The following PTPRG variants were observed in gnomAD, a reference collection of about 807,000 sequenced individuals.
The protein encoded by PTPRG is protein tyrosine phosphatase receptor type G.
Under a neutral mutation model 165.3 loss-of-function variants are expected in PTPRG, and 102 were observed. The ratio of observed to expected loss-of-function variants is 0.62; its 90% CI spans 0.53 to 0.73. The LOEUF (loss-of-function observed/expected upper bound fraction) is 0.73, where lower values mean the gene tolerates loss of function less well. Ranked by LOEUF, PTPRG falls within the 30% of genes least tolerant of loss-of-function variation. The probability of loss-of-function intolerance (pLI) is 0.00; values close to 1 mark genes in which losing one functional copy is unlikely to be tolerated. For synonymous variants in PTPRG, 675 were observed against 669.5 expected, an observed-to-expected ratio of 1.01 and a Z score of -0.13; for missense variants, 1,866 against 1,861.4, an observed-to-expected ratio of 1.00 and a Z score of -0.05.
intron 23 of PTPRG, among the ~76,000 whole-genome samples, chr3:62,274,917 A>G (rs1448126337): frequency 6.6e-6 from 1 of 152,050 alleles, no homozygotes; most frequent in African/African-American, 2.4e-5. Flanking sequence ...ATTTTTTTTT[A>G]TACATACTTT....
Position 62,282,869 on chromosome 3 carries a change from AGTAT to A in PTPRG, c.4055+5_4055+8del. 2 of 1,594,520 alleles carry A rather than the reference AGTAT, an allele frequency of 1.3e-6. No homozygotes were observed. The highest frequency in any genetic ancestry group is 1.7e-6 in the Non-Finnish European group (2 of 1,171,718). On this transcript the variant is annotated splice_donor_variant and splice_donor_region_variant and intron_variant, in intron 28 of 29. Transcript: ENST00000474889. LOFTEE classifies it high-confidence loss of function. ...GATGGTCCCACCATTGTTCATGATGAGTATGTATCTGTTTCTTAATTTTAAAATG... is the reference window on the plus strand; with the variant it reads ...GATGGTCCCACCATTGTTCATGATGAGTATCTGTTTCTTAATTTTAAAATG...
At chr3:61,677,643 C>T (rs1703278125) in intron 1 of PTPRG, among the ~76,000 whole-genome samples, 1 of 152,196 alleles carries the variant, frequency 6.6e-6, no homozygotes, top group Admixed American at 6.5e-5. Flanking sequence ...AGTTCCTTTT[C>T]TCTCTGTGCT....
chr3:61,888,225 G>A (rs912130705), intron 2 of PTPRG, among the ~76,000 whole-genome samples: 8 of 151,848 alleles, frequency 5.3e-5, no homozygotes, highest in Non-Finnish European at 8.8e-5. Flanking sequence ...GTGTGTGTCT[G>A]TCTGTCCGTC....
At chr3:62,196,881 G>A (rs1699976858) in intron 10 of PTPRG, among the ~76,000 whole-genome samples, 1 of 152,050 alleles carries the variant, frequency 6.6e-6, no homozygotes, top group African/African-American at 2.4e-5. Flanking sequence ...AGGCATGTGA[G>A]TTGTGGACCA....
At chr3:61,568,894 C>G (rs1451679231) in intron 1 of PTPRG, among the ~76,000 whole-genome samples, 1 of 139,114 alleles carries the variant, frequency 7.2e-6, no homozygotes, top group Non-Finnish European at 1.5e-5. Flanking sequence ...TGCGACAGAG[C>G]AAGACTCCGT....
intron 2 of PTPRG, among the ~76,000 whole-genome samples, chr3:61,985,281 C>T (rs1228441190): frequency 6.6e-6 from 1 of 152,184 alleles, no homozygotes; most frequent in Non-Finnish European, 1.5e-5. Context: ...CATAAGTTCC[C>T]TCCTGGGGAG....
intron 8 of PTPRG, among the ~76,000 whole-genome samples, chr3:62,173,311 C>T (rs1279611824): frequency 6.6e-6 from 1 of 151,924 alleles, no homozygotes; most frequent in Non-Finnish European, 1.5e-5. Context: ...ATGCAGAACC[C>T]ATGGATATAA....
At chr3:61,845,334 G>A (rs2036776385) in intron 2 of PTPRG, among the ~76,000 whole-genome samples, 1 of 152,202 alleles carries the variant, frequency 6.6e-6, no homozygotes, top group Non-Finnish European at 1.5e-5. Flanking sequence ...TTAGGTTATA[G>A]ATGAGGACAA....
chr3:62,079,025 G>T (rs1251429364), intron 5 of PTPRG, among the ~76,000 whole-genome samples: 2 of 152,138 alleles, frequency 1.3e-5, no homozygotes, highest in East Asian at 1.9e-4. Flanking sequence ...CTACATAAAG[G>T]TGTTCATTTC....
chr3:61,837,213 A>G (rs979643331), intron 2 of PTPRG, among the ~76,000 whole-genome samples: 65 of 152,166 alleles, frequency 4.3e-4, no homozygotes, highest in African/African-American at 1.5e-3. Flanking sequence ...GGACCTGGTT[A>G]ATTTTTGTAT....
At chr3:61,642,866 A>T (rs1352114029) in intron 1 of PTPRG, among the ~76,000 whole-genome samples, 1 of 152,200 alleles carries the variant, frequency 6.6e-6, no homozygotes, top group African/African-American at 2.4e-5. Flanking sequence ...GGCATGAGAC[A>T]TCGACACTTG....
At chr3:61,936,540 C>A (rs2039489833) in intron 2 of PTPRG, among the ~76,000 whole-genome samples, 1 of 152,154 alleles carries the variant, frequency 6.6e-6, no homozygotes, top group African/African-American at 2.4e-5. Context: ...CCGCCCCCTA[C>A]TGGTCAAAAC....
chr3:61,590,238 T>A lies in PTPRG; in HGVS notation c.85+27866T>A, dbSNP rs778407033. On this transcript the variant is annotated intron_variant, in intron 1 of 29. Transcript: ENST00000474889. ...TCTTTAATCAAAAAAAAAAAAAAAATAGGCTGGGTGCGGTGGCTCACGCCT... is the reference window on the plus strand; with the variant it reads ...TCTTTAATCAAAAAAAAAAAAAAAAAAGGCTGGGTGCGGTGGCTCACGCCT... Among the ~76,000 whole-genome samples the A allele has an allele frequency of 2.7e-3, 339 of 125,736 alleles. 4 individuals are homozygous for A. The highest frequency in any genetic ancestry group is 9.5e-3 in the African/African-American group (317 of 33,464). 82.5% of individuals were successfully genotyped at this position (125,736 alleles called of 152,430 possible). A position where few individuals can be genotyped will look rare whatever the true frequency, so the allele number is the denominator to read the frequency against.
Position 61,581,547 on chromosome 3 carries a change from G to A in PTPRG, c.85+19175G>A, listed in dbSNP as rs561757915. The stretch of plus-strand genomic sequence containing the variant: ...TCTCAGTTTTAGAGCGTGTGGCCAC[G>A]AGAATGTGAGAGGGGGAGCAGGGCA... On this transcript the variant is annotated intron_variant, in intron 1 of 29. Transcript: ENST00000474889. Among the ~76,000 whole-genome samples the A allele has an allele frequency of 3.9e-5, 6 of 152,036 alleles. No individual in the cohort carries two copies. The South Asian group carries it at 8.3e-4, about 21-fold the overall frequency.
chr3:62,201,550 G>T lies in PTPRG; in HGVS notation c.1373G>T (p.Gly458Val). Residue 458 changes from glycine (G) to valine (V), a missense_variant, in exon 11 of 30, where the codon GGA (glycine) becomes GTA (valine). Physicochemically the swap from Gly to Val is moderately radical, Grantham distance 109 (BLOSUM62 -3). Coordinates refer to ENST00000474889, the MANE Select transcript of PTPRG (RefSeq NM_002841.4). ...CAAGGGACCAGAATAGTGAAAACAGGAGTGGTAAGTAGAGAATGGGAAATT... is the reference window on the plus strand; with the variant it reads ...CAAGGGACCAGAATAGTGAAAACAGTAGTGGTAAGTAGAGAATGGGAAATT... ...IFQGTRIVKTGVPTASPASSA... is the reference protein window; with the variant it reads ...IFQGTRIVKTVVPTASPASSA... 1 of 1,611,070 alleles carries T rather than the reference G, an allele frequency of 6.2e-7. No homozygotes were observed. Among genetic ancestry groups the T allele is most frequent in the South Asian group, 1.1e-5 (1 of 90,328 alleles).
At chr3:61,653,545 T>G (rs1702419854) in intron 1 of PTPRG, among the ~76,000 whole-genome samples, 1 of 152,182 alleles carries the variant, frequency 6.6e-6, no homozygotes, top group East Asian at 1.9e-4. Context: ...CACCCCTGCT[T>G]CAGGTACCTT....
At chr3:61,568,366 T>G (rs1699973341) in intron 1 of PTPRG, among the ~76,000 whole-genome samples, 1 of 152,174 alleles carries the variant, frequency 6.6e-6, no homozygotes, top group Admixed American at 6.5e-5. Flanking sequence ...TGTGGTTAAC[T>G]CAGTATGAAA....
rs978332648 is a variant in PTPRG at position 61,958,136 on chromosome 3, C to CT, written c.191-31481dup. ...CTTTTCTTCTTTTTTTTCTTTTTTC[C>CT]TTTTTTTTGAGACAGACTCTTACTC... On this transcript the variant is annotated intron_variant, in intron 2 of 29. Transcript: ENST00000474889. 7.2e-4 allele frequency among the ~76,000 whole-genome samples: 108 copies of CT among 150,494 alleles called. No homozygotes were observed. In the Middle Eastern group the frequency reaches 0.014, roughly 19 times the overall value.
At chr3:62,134,995 A>G (rs748498686) in intron 6 of PTPRG, among the ~76,000 whole-genome samples, 65 of 152,340 alleles carry the variant, frequency 4.3e-4, no homozygotes, top group Non-Finnish European at 7.9e-4. Flanking sequence ...GTTGGAGGCC[A>G]GGGGCAGTGG....
Sources: gnomAD v4.1 joint callset for allele counts (sites outside exome capture counted in the v4.1 genomes callset) on GRCh38, gnomAD v4.1.1 for gene constraint, MANE v1.5 for transcripts, NCBI Gene and HGNC (gene_info 2026-07-23, HGNC 2026-07-21) for gene names.